NFIA: variants seen among roughly 807,000 people sequenced by gnomAD.
NFIA encodes the protein nuclear factor 1 A-type.
Under a neutral mutation model 62.8 loss-of-function variants are expected in NFIA, and 8 were observed. The ratio of observed to expected loss-of-function variants is 0.13; its 90% CI spans 0.07 to 0.23. NFIA has a LOEUF of 0.23. Ranked by LOEUF, NFIA falls within the 10% of genes least tolerant of loss-of-function variation. The pLI is 1.00. For synonymous variants in NFIA, 235 were observed against 238.1 expected (o/e 0.99, Z 0.12); for missense variants, 410 against 642.1 (o/e 0.64, Z 3.91).
chr1:61,133,422 A>G (rs904868055), intron 2 of NFIA, among the ~76,000 whole-genome samples: 1 of 152,232 alleles, frequency 6.6e-6, no homozygotes, highest in East Asian at 1.9e-4. Flanking sequence ...TATTATAAAT[A>G]CATGCATATG....
intron 2 of NFIA, among the ~76,000 whole-genome samples, chr1:61,197,198 G>A (rs980814709): frequency 3.3e-5 from 5 of 149,638 alleles, no homozygotes; most frequent in Non-Finnish European, 4.4e-5. Context: ...GAGTTGTAGA[G>A]TGTGCAGTTT....
chr1:61,220,973 G>A (rs568636606), intron 2 of NFIA, among the ~76,000 whole-genome samples: 3 of 152,202 alleles, frequency 2.0e-5, no homozygotes, highest in African/African-American at 4.8e-5. Flanking sequence ...TACAATCATA[G>A]CTTTAATTCA....
At chr1:61,089,695 CTTTTTTT>C (rs918196815) in intron 2 of NFIA, among the ~76,000 whole-genome samples, 2 of 107,750 alleles carry the variant, frequency 1.9e-5, no homozygotes, top group Non-Finnish European at 3.9e-5. Context: ...GTTTTTTTTT[CTTTTTTT>C]TTTTTTTTTT....
At chr1:61,386,711 C>T (rs1664704404) in intron 7 of NFIA, among the ~76,000 whole-genome samples, 1 of 152,180 alleles carries the variant, frequency 6.6e-6, no homozygotes, top group Non-Finnish European at 1.5e-5. Context: ...GAAAATCTCT[C>T]TCTTAAGATT....
At chr1:61,368,039 C>T (rs553118109) in intron 6 of NFIA, among the ~76,000 whole-genome samples, 7 of 152,178 alleles carry the variant, frequency 4.6e-5, no homozygotes, top group South Asian at 2.1e-4. Flanking sequence ...AGCGTTGCTC[C>T]GCTTGCATCG....
intron 7 of NFIA, 75 bp downstream of exon 7, chr1:61,383,440 A>G (rs577190042): frequency 1.3e-5 from 20 of 1,583,482 alleles, no homozygotes; most frequent in Middle Eastern, 3.5e-4. Context: ...ATGAGAAACA[A>G]TGAGGACTCC....
At chr1:61,436,070 G>A (rs1429763535) in intron 10 of NFIA, among the ~76,000 whole-genome samples, 2 of 152,146 alleles carry the variant, frequency 1.3e-5, no homozygotes, top group Non-Finnish European at 2.9e-5. Context: ...CTCCCATGGG[G>A]CTGGGTCACC....
At chr1:61,454,942 G>A (rs1668233235) in intron 10 of NFIA, among the ~76,000 whole-genome samples, 1 of 152,130 alleles carries the variant, frequency 6.6e-6, no homozygotes, top group Non-Finnish European at 1.5e-5. Flanking sequence ...TCCAGGCACT[G>A]GGCTAGGCAC....
At chr1:61,264,648 C>A (rs1657029617) in intron 2 of NFIA, among the ~76,000 whole-genome samples, 2 of 94,984 alleles carry the variant, frequency 2.1e-5, no homozygotes, top group Admixed American at 1.3e-4. Context: ...CAAAACTCCA[C>A]CTTACAAAAA....
rs1348531363 is a variant in NFIA at position 61,107,993 on chromosome 1, CTG to C, written c.559+19315_559+19316del. On this transcript the variant is annotated intron_variant, in intron 2 of 10. Coordinates refer to ENST00000403491, the MANE Select transcript of NFIA (RefSeq NM_001134673.4). The stretch of plus-strand genomic sequence containing the variant: ...TATGTCTGTTTTTGGATTCTTTGCT[CTG>C]TTACACTGATCAACTTGTCTGCCCT... 2.0e-5 allele frequency among the ~76,000 whole-genome samples: 3 copies of C among 151,632 alleles called. No individual in the cohort carries two copies. In the East Asian group the frequency reaches 5.8e-4, roughly 29 times the overall value.
chr1:61,134,275 TG>T (rs1449799582), intron 2 of NFIA, among the ~76,000 whole-genome samples: 1 of 150,914 alleles, frequency 6.6e-6, no homozygotes, highest in African/African-American at 2.5e-5. Context: ...TGTGTGTGTG[TG>T]TGTGTGTGTG....
At chr1:61,269,906 C>T (rs188247088) in intron 2 of NFIA, among the ~76,000 whole-genome samples, 1 of 152,136 alleles carries the variant, frequency 6.6e-6, no homozygotes, top group East Asian at 1.9e-4. Flanking sequence ...GTTACAAAGA[C>T]TGACTACTTC....
chr1:61,258,935 G>A (rs1332734699), intron 2 of NFIA, among the ~76,000 whole-genome samples: 1 of 151,872 alleles, frequency 6.6e-6, no homozygotes, highest in African/African-American at 2.4e-5. Flanking sequence ...TGCCCAGGCT[G>A]GTCTCGAACT....
chr1:61,260,111 C>T (rs1306578076), intron 2 of NFIA, among the ~76,000 whole-genome samples: 2 of 152,166 alleles, frequency 1.3e-5, no homozygotes, highest in East Asian at 1.9e-4. Context: ...GGCACAGGGC[C>T]TCTTTGAGGA....
intron 2 of NFIA, among the ~76,000 whole-genome samples, chr1:61,231,727 G>A (rs1654681123): frequency 6.6e-6 from 1 of 152,134 alleles, no homozygotes; most frequent in Admixed American, 6.5e-5. Context: ...CTACTCAGGA[G>A]GCTAAGGCAG....
At chr1:61,406,822 A>G (rs772726592) in intron 9 of NFIA, 95 bp downstream of exon 9, 164 of 1,323,418 alleles carry the variant, frequency 1.2e-4, no homozygotes, top group Non-Finnish European at 1.6e-4. Context: ...AGGCTCTAGA[A>G]AGAGGCACAG....
At chr1:61,290,344 T>G (rs1196120488) in intron 3 of NFIA, among the ~76,000 whole-genome samples, 4 of 152,210 alleles carry the variant, frequency 2.6e-5, no homozygotes, top group African/African-American at 4.8e-5. Context: ...AAATGTTTCT[T>G]TTCATTCCCC....
chr1:61,134,149 C>T (rs1647133214), intron 2 of NFIA, among the ~76,000 whole-genome samples: 1 of 151,830 alleles, frequency 6.6e-6, no homozygotes, highest in African/African-American at 2.4e-5. Context: ...TATCTGCTCT[C>T]CTTGCCTTTT....
Position 61,426,543 on chromosome 1 carries a change from C to A in NFIA, c.1499C>A (p.Pro500His). The change falls in exon 10 of 11, where the codon CCT becomes CAT. Residue 500 changes from proline (P) to histidine (H), a missense_variant. Coordinates refer to ENST00000403491, the MANE Select transcript of NFIA (RefSeq NM_001134673.4). ...CGGGATCCAAGCTTTGTAAATATCC[C>A]TCAACAGACACAGGTGGGCCGCTCT... is the stretch of plus-strand genomic sequence containing the variant. ...GPRDPSFVNI[P>H]QQTQSWYLG 6.4e-7 allele frequency: 1 copy of A among 1,551,356 alleles called. No individual in the cohort carries two copies.
Sources: allele counts gnomAD v4.1 joint callset (sites outside exome capture counted in the v4.1 genomes callset), GRCh38; gene constraint gnomAD v4.1.1; transcripts MANE v1.5; gene names NCBI Gene and HGNC (gene_info 2026-07-23, HGNC 2026-07-21).